Variants in PCDHGA12 observed in about 807,000 individuals in gnomAD.
The protein encoded by PCDHGA12 is protocadherin gamma-A12.
In PCDHGA12, 43 loss-of-function variants were observed where a neutral mutation model predicts 61.1. That is an observed-to-expected ratio of 0.70 (90% CI 0.55 to 0.91). PCDHGA12 has a LOEUF of 0.91. Among genes scored for constraint, PCDHGA12 ranks in the 40% least tolerant of loss-of-function variants. The pLI is 0.00. For synonymous variants in PCDHGA12, 520 were observed against 542.9 expected (o/e 0.96, Z 0.59); for missense variants, 1,236 against 1,227.7 (o/e 1.01, Z -0.10).
intron 2 of PCDHGA12, among the ~76,000 whole-genome samples, chr5:141,495,607 A>G (rs1484333463): frequency 1.3e-5 from 2 of 151,832 alleles, no homozygotes; most frequent in Admixed American, 1.3e-4. Flanking sequence ...TTCCGTCTTG[A>G]TTGCTGCACC....
intron 1 of PCDHGA12, chr5:141,442,166 A>G (rs2098306007): frequency 6.4e-6 from 1 of 156,354 alleles, no homozygotes; most frequent in Non-Finnish European, 1.4e-5. Flanking sequence ...TCACTCTGCA[A>G]AGCTACAGCC....
chr5:141,494,676 C>G, intron 1 of PCDHGA12, 131 bp from the exon 2 acceptor site: 1 of 1,550,918 alleles, frequency 6.4e-7, no homozygotes, highest in African/African-American at 1.4e-5. Context: ...GAGTCCACCC[C>G]TGCCCCCTCT....
intron 3 of PCDHGA12, among the ~76,000 whole-genome samples, chr5:141,510,538 G>A (rs1423013528): frequency 1.3e-5 from 2 of 152,216 alleles, no homozygotes; most frequent in East Asian, 1.9e-4. Context: ...AAATACCAGC[G>A]AATGTGTTTT....
At position 141,477,213 on chromosome 5, in the gene PCDHGA12, C is replaced by G; in HGVS notation, c.2425-17594C>G. ...TACAGCCCAGTACCCGAGGATGCCC[C>G]TCTGGGGACTGTCATCGCTTTGCTC... is the stretch of plus-strand genomic sequence containing the variant. On this transcript the variant is annotated intron_variant, in intron 1 of 3. Coordinates refer to ENST00000252085, the MANE Select transcript of PCDHGA12 (RefSeq NM_003735.3). The surrounding 1 kb of genome is among the most constrained non-coding windows in gnomAD (Gnocchi z 4.9). 6.2e-7 allele frequency: 1 copy of G among 1,614,184 alleles called. No individual in the cohort carries two copies.
Position 141,430,837 on chromosome 5 carries a change from C to T in PCDHGA12, c.78C>T (p.Thr26=), listed in dbSNP as rs1350348914. ...LGILLGTLWE[T]GCTQIRYSVP... is the part of the protein sequence containing the mutation. The stretch of plus-strand genomic sequence containing the variant: ...TCCTCCTGGGGACTCTGTGGGAGAC[C>T]GGATGCACCCAGATACGCTATTCAG... Residue 26 remains threonine (T), a synonymous_variant, in exon 1 of 4, where the codon ACC becomes ACT. Coordinates refer to ENST00000252085, the MANE Select transcript of PCDHGA12 (RefSeq NM_003735.3). 4 of 1,559,956 alleles carry T rather than the reference C, an allele frequency of 2.6e-6. No homozygotes were observed. The highest frequency in any genetic ancestry group is 2.5e-5 in the South Asian group (2 of 80,888).
chr5:141,487,297 C>A lies in PCDHGA12; in HGVS notation c.2425-7510C>A. ...TTTGCTTTGTCTCCTTTGGCTCATT[C>A]GTGGCACTACTCTCTAAGTGTCTTC... is the stretch of plus-strand genomic sequence containing the variant. On this transcript the variant is annotated intron_variant, in intron 1 of 3. Transcript: ENST00000252085. This position sits in a 1 kb window ranked among gnomAD's most constrained non-coding sequence, Gnocchi z 5.0. 1 of 1,614,102 alleles carries A rather than the reference C, an allele frequency of 6.2e-7. No homozygotes were observed. The highest frequency in any genetic ancestry group is 8.5e-7 in the Non-Finnish European group (1 of 1,180,002).
Position 141,486,989 on chromosome 5 carries a change from G to A in PCDHGA12, c.2425-7818G>A. 1.9e-6 allele frequency: 3 copies of A among 1,614,168 alleles called. No individual in the cohort carries two copies. Among genetic ancestry groups the A allele is most frequent in the Non-Finnish European group, 2.5e-6 (3 of 1,180,034 alleles). On this transcript the variant is annotated intron_variant, in intron 1 of 3. Transcript: ENST00000252085. This position sits in a 1 kb window ranked among gnomAD's most constrained non-coding sequence, Gnocchi z 5.0. ...CTTGGATTCAGGTTACAATGCTTGG[G>A]TTTCCTATCAGCTCCTGGAGGCCCC...
chr5:141,451,284 G>A (rs950768919), intron 1 of PCDHGA12, among the ~76,000 whole-genome samples: 1 of 152,186 alleles, frequency 6.6e-6, no homozygotes. Context: ...GAGTGCCTCT[G>A]CCTCAAAGTC....
chr5:141,478,164 C>T, intron 1 of PCDHGA12: 1 of 1,614,010 alleles, frequency 6.2e-7, no homozygotes, highest in Non-Finnish European at 8.5e-7. Context: ...GGCTCTGCCC[C>T]CCGGGAGCAG....
rs909444391 is a variant in PCDHGA12 at position 141,450,834 on chromosome 5, T to A, written c.2424+17651T>A. On this transcript the variant is annotated intron_variant, in intron 1 of 3. Transcript: ENST00000252085. ...TATTTAATATTATTATTATTATTTT[T>A]TTTTTTTTGAGATGGGGTCTTGCTC... is the stretch of plus-strand genomic sequence containing the variant. 1.2e-3 allele frequency among the ~76,000 whole-genome samples: 172 copies of A among 148,764 alleles called. 3 individuals are homozygous for A. The highest frequency in any genetic ancestry group is 4.1e-3 in the African/African-American group (166 of 40,236).
intron 1 of PCDHGA12, among the ~76,000 whole-genome samples, chr5:141,475,215 T>C (rs768665396): frequency 2.6e-5 from 4 of 152,176 alleles, no homozygotes; most frequent in Non-Finnish European, 5.9e-5. Flanking sequence ...AAAGGATTGA[T>C]CAAGTAAAGG....
At chr5:141,441,878 TG>T in intron 1 of PCDHGA12, 1 of 343,708 alleles carries the variant, frequency 2.9e-6, no homozygotes, top group Non-Finnish European at 5.6e-6. Context: ...CCTGGCTACC[TG>T]GTCACCAAGG....
intron 1 of PCDHGA12, among the ~76,000 whole-genome samples, chr5:141,448,430 T>C (rs1468604001): frequency 6.6e-6 from 1 of 152,186 alleles, no homozygotes; most frequent in African/African-American, 2.4e-5. Flanking sequence ...TATGTATATA[T>C]TGAGAAGTCT....
intron 1 of PCDHGA12, among the ~76,000 whole-genome samples, chr5:141,445,871 T>C (rs1318495005): frequency 6.6e-6 from 1 of 152,198 alleles, no homozygotes; most frequent in Non-Finnish European, 1.5e-5. Context: ...TTGTTCTAAA[T>C]ACCCTTGTAC....
At chr5:141,478,519 G>T (rs778194073) in intron 1 of PCDHGA12, 19 of 1,610,728 alleles carry the variant, frequency 1.2e-5, no homozygotes, top group Non-Finnish European at 1.6e-5. Flanking sequence ...GGCAGGTGTT[G>T]GGTGCAGAGA....
chr5:141,447,161 C>T (rs1432238455), intron 1 of PCDHGA12, among the ~76,000 whole-genome samples: 1 of 151,728 alleles, frequency 6.6e-6, no homozygotes, highest in East Asian at 1.9e-4. Flanking sequence ...TTTGTTTAAG[C>T]GGGGTCTTGC....
In PCDHGA12 at chr5:141,454,484, G is replaced by A. The variant is rs555881095; in HGVS notation, c.2424+21301G>A. On this transcript the variant is annotated intron_variant, in intron 1 of 3. Transcript: ENST00000252085. The stretch of plus-strand genomic sequence containing the variant: ...TGCAATGGCATGATCTCAGCTCACC[G>A]CAACCTCCACCTCCTGGATTCAGGC... Among the ~76,000 whole-genome samples, 7 of 152,218 alleles carry A rather than the reference G, an allele frequency of 4.6e-5. No individual in the cohort carries two copies. In the East Asian group the frequency reaches 7.7e-4, roughly 17 times the overall value.
chr5:141,493,052 T>G lies in PCDHGA12; in HGVS notation c.2425-1755T>G, dbSNP rs1362566525. 6.6e-6 allele frequency among the ~76,000 whole-genome samples: 1 copy of G among 152,104 alleles called. No individual in the cohort carries two copies. The highest frequency in any genetic ancestry group is 2.4e-5 in the African/African-American group (1 of 41,416). Reference sequence around the variant, plus strand: ...CTTATGTGTGAGGAAACTACAATAGTAAAAAACACAAGTTTCTCCAACTCC... The same window carrying G: ...CTTATGTGTGAGGAAACTACAATAGGAAAAAACACAAGTTTCTCCAACTCC... On this transcript the variant is annotated intron_variant, in intron 1 of 3. Coordinates refer to ENST00000252085, the MANE Select transcript of PCDHGA12 (RefSeq NM_003735.3). This position sits in a 1 kb window ranked among gnomAD's most constrained non-coding sequence, Gnocchi z 4.3.
chr5:141,499,921 C>A, intron 2 of PCDHGA12, among the ~76,000 whole-genome samples: 1 of 152,128 alleles, frequency 6.6e-6, no homozygotes, highest in Middle Eastern at 3.2e-3. Context: ...CTCCTGGCCT[C>A]AAGTGATCCA....
Sources: gnomAD v4.1 joint callset for allele counts (sites outside exome capture counted in the v4.1 genomes callset) on GRCh38, gnomAD v4.1.1 for gene constraint, Gnocchi (gnomAD v3.1) non-coding constraint, MANE v1.5 for transcripts, NCBI Gene and HGNC (gene_info 2026-07-23, HGNC 2026-07-21) for gene names.